GPRIN3: variants seen among roughly 807,000 people sequenced by gnomAD.
The protein encoded by GPRIN3 is G protein-regulated inducer of neurite outgrowth 3.
In GPRIN3, 12 loss-of-function variants were observed where a neutral mutation model predicts 13.7. The ratio of observed to expected loss-of-function variants is 0.87; its 90% CI spans 0.56 to 1.42. GPRIN3 has a LOEUF of 1.42. Ranked by LOEUF, GPRIN3 falls within the 40% of genes most tolerant of loss-of-function variation. The pLI, the probability that GPRIN3 is intolerant of heterozygous loss-of-function variation, is 0.00. For synonymous variants in GPRIN3, 377 were observed against 372.7 expected, an observed-to-expected ratio of 1.01 and a Z score of -0.13; for missense variants, 1,009 against 958.7, an observed-to-expected ratio of 1.05 and a Z score of -0.69.
chr4:89,293,870 G>T (rs553097720), intron 1 of GPRIN3, among the ~76,000 whole-genome samples: 1 of 152,208 alleles, frequency 6.6e-6, no homozygotes, highest in South Asian at 2.1e-4. Flanking sequence ...TAAGTGATAG[G>T]GATTCCATTA....
chr4:89,263,083 T>TGG (rs1337233319), intron 1 of GPRIN3, among the ~76,000 whole-genome samples: 14 of 152,266 alleles, frequency 9.2e-5, no homozygotes, highest in African/African-American at 3.4e-4. Context: ...CTGTCAGTAC[T>TGG]GGGCTTAACT....
At chr4:89,252,184 G>C (rs894436134) in intron 1 of GPRIN3, among the ~76,000 whole-genome samples, 2 of 151,870 alleles carry the variant, frequency 1.3e-5, no homozygotes, top group Non-Finnish European at 2.9e-5. Flanking sequence ...TGTTGCCCAG[G>C]GTAGTCTTGA....
chr4:89,248,640 T>C lies in GPRIN3; in HGVS notation c.1471A>G (p.Arg491Gly), dbSNP rs1042703350. 1.2e-6 allele frequency: 2 copies of C among 1,614,192 alleles called. No homozygotes were observed. The highest frequency in any genetic ancestry group is 1.7e-6 in the Non-Finnish European group (2 of 1,180,018). Reference sequence around the variant, plus strand: ...GTTTTCTCTGCAAACTCAGATGGCCTGGTTTCAAATTTCCCCAATCCATAA... The same window carrying C: ...GTTTTCTCTGCAAACTCAGATGGCCCGGTTTCAAATTTCCCCAATCCATAA... ...TSYGLGKFETRPSEFAEKTTN... is the reference protein window; with the variant it reads ...TSYGLGKFETGPSEFAEKTTN... The change falls in exon 2 of 2, where the codon AGG becomes GGG. Residue 491 changes from arginine (R) to glycine (G), a missense_variant. Transcript: ENST00000609438.
In GPRIN3 at chr4:89,247,664, A is replaced by T; in HGVS notation, c.*116T>A. 1 of 1,016,406 alleles carries T rather than the reference A, an allele frequency of 9.8e-7. No homozygotes were observed. The highest frequency in any genetic ancestry group is 1.5e-6 in the Non-Finnish European group (1 of 689,432). 63.0% of individuals were successfully genotyped at this position (1,016,406 alleles called of 1,614,324 possible). A position where few individuals can be genotyped will look rare whatever the true frequency, so the allele number is the denominator to read the frequency against. On this transcript the variant is annotated 3_prime_UTR_variant, in exon 2 of 2. Transcript: ENST00000609438. The stretch of plus-strand genomic sequence containing the variant: ...ACAATTTTTAATAGCAATTTCCTAT[A>T]GTGAATACTTGCTTTTTCTTCCTAG...
At chr4:89,304,569 G>A (rs1333329758) in intron 1 of GPRIN3, among the ~76,000 whole-genome samples, 1 of 152,152 alleles carries the variant, frequency 6.6e-6, no homozygotes, top group Non-Finnish European at 1.5e-5. Context: ...GGCACTTAAT[G>A]ATTACTATGG....
At chr4:89,294,554 C>T (rs963516067) in intron 1 of GPRIN3, among the ~76,000 whole-genome samples, 4 of 152,186 alleles carry the variant, frequency 2.6e-5, no homozygotes, top group African/African-American at 4.8e-5. Flanking sequence ...TGCATCTTCT[C>T]ATTTTTACAT....
chr4:89,296,449 T>C (rs1404538708), intron 1 of GPRIN3, among the ~76,000 whole-genome samples: 1 of 152,220 alleles, frequency 6.6e-6, no homozygotes, highest in Non-Finnish European at 1.5e-5. Context: ...CTCCTGTGCA[T>C]GGATTACCTT....
intron 1 of GPRIN3, among the ~76,000 whole-genome samples, chr4:89,303,281 C>T (rs1040326368): frequency 1.1e-4 from 17 of 152,220 alleles, no homozygotes; most frequent in African/African-American, 4.1e-4. Flanking sequence ...GGTTCATCTT[C>T]ACAGCCTGTC....
rs1722852301 is a variant in GPRIN3, at chr4:89,238,908, T to C, written c.*8872A>G. 1 of 152,168 alleles carries C rather than the reference T, an allele frequency of 6.6e-6. No individual in the cohort carries two copies. Among genetic ancestry groups the C allele is most frequent in the African/African-American group, 2.4e-5 (1 of 41,454 alleles). The allele number at this position is 152,168 out of a possible 1,614,324, so 9.4% of individuals were successfully genotyped here. On this transcript the variant is annotated 3_prime_UTR_variant, in exon 2 of 2. Coordinates refer to ENST00000609438, the MANE Select transcript of GPRIN3 (RefSeq NM_198281.3). ...AAAGTGAGATGCAAAAAAATCATAA[T>C]CTAAATTTTTTGATGGTAAAACTAA...
Position 89,247,730 on chromosome 4 carries a change from CG to C in GPRIN3, c.*49del, listed in dbSNP as rs1561173601. On this transcript the variant is annotated 3_prime_UTR_variant, in exon 2 of 2. Coordinates refer to ENST00000609438, the MANE Select transcript of GPRIN3 (RefSeq NM_198281.3). ...CTAAGCAAGCTTTGACATAGAGGGA[CG>C]CATGTGAATACCGTAAATTTATACA... The C allele has an allele frequency of 1.3e-6, 2 of 1,517,964 alleles. No homozygotes were observed. Among genetic ancestry groups the C allele is most frequent in the African/African-American group, 2.8e-5 (2 of 72,082 alleles). 94.0% of individuals were successfully genotyped at this position (1,517,964 alleles called of 1,614,324 possible).
chr4:89,290,307 C>T (rs1259957681), intron 1 of GPRIN3, among the ~76,000 whole-genome samples: 1 of 152,016 alleles, frequency 6.6e-6, no homozygotes, highest in Non-Finnish European at 1.5e-5. Context: ...AAGCATTTGC[C>T]TGCATTCCTC....
At chr4:89,305,291 G>A (rs1310340205) in intron 1 of GPRIN3, among the ~76,000 whole-genome samples, 1 of 152,092 alleles carries the variant, frequency 6.6e-6, no homozygotes, top group Non-Finnish European at 1.5e-5. Context: ...TCAGGTCCAT[G>A]GGAAACTCTC....
rs1723110832 is a variant in GPRIN3, at chr4:89,246,691, T to C, written c.*1089A>G. On this transcript the variant is annotated 3_prime_UTR_variant, in exon 2 of 2. Transcript: ENST00000609438. The stretch of plus-strand genomic sequence containing the variant: ...TACAAAAATTGTAAGGAAGCTCACA[T>C]TCTAATTTGGTGTTGACTACATTTG... The C allele has an allele frequency of 1.3e-5, 2 of 152,212 alleles. No homozygotes were observed. Among genetic ancestry groups the C allele is most frequent in the Non-Finnish European group, 2.9e-5 (2 of 68,040 alleles). The allele number at this position is 152,212 out of a possible 1,614,324, so 9.4% of individuals were successfully genotyped here.
intron 1 of GPRIN3, among the ~76,000 whole-genome samples, chr4:89,305,208 C>T (rs970078534): frequency 1.3e-5 from 2 of 152,140 alleles, no homozygotes; most frequent in Non-Finnish European, 2.9e-5. Context: ...TTTCCTTGGT[C>T]TCTGCTTATT....
In GPRIN3 at chr4:89,250,349, A is replaced by C. The variant is rs1250134536; in HGVS notation, c.-123-116T>G. ...AAAACTTTTCTTCCCATACCTGTTG[A>C]TATAAAAATAGACCTTGTGGGGAGG... On this transcript the variant is annotated intron_variant, in intron 1 of 1. Coordinates refer to ENST00000609438, the MANE Select transcript of GPRIN3 (RefSeq NM_198281.3). 3.5e-5 allele frequency: 18 copies of C among 518,756 alleles called. No individual in the cohort carries two copies. In the East Asian group the frequency reaches 6.6e-4, roughly 19 times the overall value. The allele number at this position is 518,756 out of a possible 1,614,324, so 32.1% of individuals were successfully genotyped here.
chr4:89,249,286 C>G lies in GPRIN3; in HGVS notation c.825G>C (p.Ser275=), dbSNP rs200813010. Residue 275 remains serine (S), a synonymous_variant, in exon 2 of 2, where the codon TCG becomes TCC. Transcript: ENST00000609438. ...CCTTCTCTGGACCTGGGGGACATGC[C>G]GAAGGTTCGCTAGTGAGGGGGGTTG... ...PQPTPLTSEP[S]ACPPGPEKVP... 81 of 1,614,012 alleles carry G rather than the reference C, an allele frequency of 5.0e-5. No individual in the cohort carries two copies. The East Asian group carries it at 1.8e-3, about 35-fold the overall frequency.
intron 1 of GPRIN3, among the ~76,000 whole-genome samples, chr4:89,278,137 G>A (rs1436362374): frequency 1.3e-5 from 2 of 152,090 alleles, no homozygotes; most frequent in East Asian, 1.9e-4. Flanking sequence ...TGAACCTCTC[G>A]GGGACATGAG....
At chr4:89,284,779 T>A (rs1195299064) in intron 1 of GPRIN3, among the ~76,000 whole-genome samples, 1 of 152,224 alleles carries the variant, frequency 6.6e-6, no homozygotes, top group Non-Finnish European at 1.5e-5. Context: ...GCTTTCAAGC[T>A]GCCTTAATTA....
chr4:89,304,351 A>G (rs1282117179), intron 1 of GPRIN3, among the ~76,000 whole-genome samples: 2 of 152,142 alleles, frequency 1.3e-5, no homozygotes, highest in Non-Finnish European at 2.9e-5. Context: ...TTTTTGGAAA[A>G]TGATGTATAA....
Sources: gnomAD v4.1 joint callset for allele counts (sites outside exome capture counted in the v4.1 genomes callset) on GRCh38, gnomAD v4.1.1 for gene constraint, MANE v1.5 for transcripts, NCBI Gene and HGNC (gene_info 2026-07-23, HGNC 2026-07-21) for gene names.